The following NALF1 variants were observed in gnomAD, a reference collection of about 807,000 sequenced individuals.
The protein encoded by NALF1 is NALCN channel auxiliary factor 1, also known as family with sequence similarity 155 member A.
A neutral mutation model predicts 48.4 loss-of-function variants in NALF1; 3 were observed. That is an observed-to-expected ratio of 0.06 (90% CI 0.03 to 0.16). NALF1 has a LOEUF of 0.16. NALF1 is among the 10% of genes least tolerant of loss of function. The pLI is 1.00. For missense variants in NALF1, 526 were observed against 571.5 expected (o/e 0.92, Z 0.81); for synonymous variants, 262 against 245.7 (o/e 1.07, Z -0.62).
At chr13:107,688,140 C>A (rs1179806295) in intron 1 of NALF1, among the ~76,000 whole-genome samples, 1 of 152,132 alleles carries the variant, frequency 6.6e-6, no homozygotes, top group East Asian at 1.9e-4. Flanking sequence ...TAACCACATT[C>A]TCTTATCATT....
intron 1 of NALF1, among the ~76,000 whole-genome samples, chr13:107,676,298 T>A (rs935053706): frequency 6.6e-6 from 1 of 152,192 alleles, no homozygotes; most frequent in Non-Finnish European, 1.5e-5. Context: ...TGCCTAAAGA[T>A]GTCAATGGGG....
chr13:107,544,710 A>G (rs1877088753), intron 1 of NALF1, among the ~76,000 whole-genome samples: 1 of 152,204 alleles, frequency 6.6e-6, no homozygotes, highest in African/African-American at 2.4e-5. Context: ...TCCAGGGAGA[A>G]GCCTATTATT....
At chr13:107,419,938 CAT>C (rs200396159) in intron 1 of NALF1, among the ~76,000 whole-genome samples, 3,769 of 152,240 alleles carry the variant, frequency 0.025, 123 homozygotes, top group Non-Finnish European at 0.029. Flanking sequence ...TTATATGTTA[CAT>C]GTCTGATTCT....
intron 1 of NALF1, among the ~76,000 whole-genome samples, chr13:107,811,014 TATATC>T (rs1878973015): frequency 6.6e-6 from 1 of 152,156 alleles, no homozygotes; most frequent in South Asian, 2.1e-4. Context: ...ATGTATCTAA[TATATC>T]AATAACGCAC....
chr13:107,181,963 T>C (rs1879071465), intron 2 of NALF1, among the ~76,000 whole-genome samples: 1 of 152,136 alleles, frequency 6.6e-6, no homozygotes, highest in Non-Finnish European at 1.5e-5. Flanking sequence ...TTGTCTGATA[T>C]ATCTTTGTCC....
chr13:107,561,372 T>A (rs1004163915), intron 1 of NALF1, among the ~76,000 whole-genome samples: 1 of 152,202 alleles, frequency 6.6e-6, no homozygotes, highest in African/African-American at 2.4e-5. Flanking sequence ...CAAAAGTAAG[T>A]TATTTTATAG....
chr13:107,257,062 C>T (rs1219525175), intron 1 of NALF1, among the ~76,000 whole-genome samples: 3 of 152,062 alleles, frequency 2.0e-5, no homozygotes, highest in Non-Finnish European at 4.4e-5. Flanking sequence ...GGGAGGCAGG[C>T]ACCTTCTTCA....
intron 1 of NALF1, among the ~76,000 whole-genome samples, chr13:107,604,720 C>G (rs867328563): frequency 1.3e-5 from 2 of 152,236 alleles, no homozygotes; most frequent in South Asian, 4.2e-4. Flanking sequence ...AAACTTATCT[C>G]AGAATAATTT....
rs541364436 is a variant in NALF1 at position 107,338,908 on chromosome 13, G to A, written c.916-128153C>T. Among the ~76,000 whole-genome samples the A allele has an allele frequency of 5.9e-5, 9 of 152,088 alleles. No homozygotes were observed. In the South Asian group the frequency reaches 6.2e-4, roughly 11 times the overall value. On this transcript the variant is annotated intron_variant, in intron 1 of 2. Coordinates refer to ENST00000375915, the MANE Select transcript of NALF1 (RefSeq NM_001080396.3). ...AGTACTTTGGGAGGCTGAGGTGGGC[G>A]GATCACGAGGTCAGGAGGTCGAGTC... is the stretch of plus-strand genomic sequence containing the variant.
At chr13:107,613,998 G>T (rs182213600) in intron 1 of NALF1, among the ~76,000 whole-genome samples, 1 of 152,254 alleles carries the variant, frequency 6.6e-6, no homozygotes. Context: ...TTGATACTCA[G>T]AAAGGGTAAG....
Position 107,547,932 on chromosome 13 carries a change from A to G in NALF1, c.915+317750T>C, listed in dbSNP as rs115157765. Among the ~76,000 whole-genome samples the G allele has an allele frequency of 3.1e-3, 475 of 152,282 alleles. 1 individual carries two copies. The highest frequency in any genetic ancestry group is 0.011 in the African/African-American group (441 of 41,562). On this transcript the variant is annotated intron_variant, in intron 1 of 2. Coordinates refer to ENST00000375915, the MANE Select transcript of NALF1 (RefSeq NM_001080396.3). ...ATAGTGAACACTCTATTAGGAAAAA[A>G]TAAATAGGAGATGGCCCATGCTTGT...
Position 107,851,354 on chromosome 13 carries a change from T to C in NALF1, c.915+14328A>G, listed in dbSNP as rs1005664831. Among the ~76,000 whole-genome samples the C allele has an allele frequency of 7.0e-3, 1,068 of 151,726 alleles. 11 individuals carry two copies. The highest frequency in any genetic ancestry group is 0.024 in the African/African-American group (999 of 41,368). On this transcript the variant is annotated intron_variant, in intron 1 of 2. Coordinates refer to ENST00000375915, the MANE Select transcript of NALF1 (RefSeq NM_001080396.3). ...CACAGATGAACAGTTTTTTTTTTTT[T>C]TCTTTAAGTGGCCAGATTAAGGAGA...
chr13:107,842,188 A>C (rs1880060874), intron 1 of NALF1, among the ~76,000 whole-genome samples: 1 of 152,046 alleles, frequency 6.6e-6, no homozygotes, highest in African/African-American at 2.4e-5. Context: ...ATGGCCCAAA[A>C]TCCATATACT....
chr13:107,385,302 C>T lies in NALF1; in HGVS notation c.916-174547G>A, dbSNP rs1216264105. On this transcript the variant is annotated intron_variant, in intron 1 of 2. Transcript: ENST00000375915. ...GCGCAGTGGCTCACGCCTGTAATCC[C>T]AGCACTTTGGGAGGCCGAGGAGGGT... Among the ~76,000 whole-genome samples, 3 of 152,056 alleles carry T rather than the reference C, an allele frequency of 2.0e-5. 1 individual carries two copies. Among genetic ancestry groups the T allele is most frequent in the Non-Finnish European group, 4.4e-5 (3 of 68,010 alleles).
chr13:107,627,502 A>G (rs1879708710), intron 1 of NALF1, among the ~76,000 whole-genome samples: 1 of 152,078 alleles, frequency 6.6e-6, no homozygotes, highest in African/African-American at 2.4e-5. Flanking sequence ...GTGAAACCTT[A>G]ATGAGGAACC....
At chr13:107,714,261 C>T (rs1875683885) in intron 1 of NALF1, among the ~76,000 whole-genome samples, 1 of 152,156 alleles carries the variant, frequency 6.6e-6, no homozygotes, top group Non-Finnish European at 1.5e-5. Flanking sequence ...GCTTAGAATT[C>T]ACAAGCTGCA....
intron 1 of NALF1, among the ~76,000 whole-genome samples, chr13:107,838,193 A>C (rs1879952179): frequency 6.6e-6 from 1 of 152,030 alleles, no homozygotes; most frequent in Non-Finnish European, 1.5e-5. Context: ...TGTAGCCAGA[A>C]ACAAACAAAC....
chr13:107,266,306 T>C (rs1021959855), intron 1 of NALF1, among the ~76,000 whole-genome samples: 45 of 152,206 alleles, frequency 3.0e-4, no homozygotes, highest in African/African-American at 9.7e-4. Flanking sequence ...TATTATGTTA[T>C]CATTTAAAAT....
chr13:107,740,119 A>G (rs1031294409), intron 1 of NALF1, among the ~76,000 whole-genome samples: 1 of 152,224 alleles, frequency 6.6e-6, no homozygotes, highest in African/African-American at 2.4e-5. Flanking sequence ...TTGTCCACAA[A>G]ACCGGTCCCT....
Sources: gnomAD v4.1 joint callset for allele counts (sites outside exome capture counted in the v4.1 genomes callset) on GRCh38, gnomAD v4.1.1 for gene constraint, MANE v1.5 for transcripts, NCBI Gene and HGNC (gene_info 2026-07-23, HGNC 2026-07-21) for gene names.